The following MACF1 variants were observed in gnomAD, a reference collection of about 807,000 sequenced individuals.
MACF1 encodes microtubule-actin cross-linking factor 1.
A neutral mutation model predicts 854.8 loss-of-function variants in MACF1; 193 were observed. That is an observed-to-expected ratio of 0.23 (90% CI 0.20 to 0.25). MACF1 has a LOEUF of 0.25. Ranked by LOEUF, MACF1 falls within the 10% of genes least tolerant of loss-of-function variation. MACF1 has a pLI of 1.00. For synonymous variants in MACF1, 3,185 were observed against 3,226.7 expected, an observed-to-expected ratio of 0.99 and a Z score of 0.44; for missense variants, 7,722 against 8,929.1, an observed-to-expected ratio of 0.86 and a Z score of 5.45.
intron 2 of MACF1, among the ~76,000 whole-genome samples, chr1:39,136,633 A>G (rs960577110): frequency 6.6e-6 from 1 of 152,114 alleles, no homozygotes; most frequent in Non-Finnish European, 1.5e-5. Context: ...TGTACCTCCA[A>G]TGCCTAGAGA....
intron 58 of MACF1, among the ~76,000 whole-genome samples, chr1:39,392,790 C>G (rs1224563920): frequency 6.6e-6 from 1 of 152,166 alleles, no homozygotes; most frequent in African/African-American, 2.4e-5. Context: ...GGCTTTCCCT[C>G]AGTTGCTTCT....
At chr1:39,190,689 G>T (rs1644245364) in intron 2 of MACF1, among the ~76,000 whole-genome samples, 1 of 151,736 alleles carries the variant, frequency 6.6e-6, no homozygotes, top group African/African-American at 2.4e-5. Flanking sequence ...AGGATCTTGA[G>T]TATTCTGGAT....
Position 39,442,761 on chromosome 1 carries a change from C to G in MACF1, c.19152C>G (p.Val6384=). ...CTCATCAAGCCACAGTGGAAACAGT[C>G]AACAAAGCTGGCAATGAGCTTCTTG... ...VLAHQATVET[V]NKAGNELLES... The change falls in exon 78 of 101, where the codon GTC becomes GTG. Residue 6384 remains valine, a synonymous_variant. Coordinates refer to ENST00000564288, the MANE Select transcript of MACF1 (RefSeq NM_001394062.1). The G allele has an allele frequency of 6.2e-7, 1 of 1,614,000 alleles. No homozygotes were observed. The highest frequency in any genetic ancestry group is 8.5e-7 in the Non-Finnish European group (1 of 1,180,010).
At chr1:39,139,736 C>G (rs962897151) in intron 2 of MACF1, among the ~76,000 whole-genome samples, 3 of 152,058 alleles carry the variant, frequency 2.0e-5, no homozygotes, top group Admixed American at 6.6e-5. Flanking sequence ...TATCATCTTT[C>G]TGAACTGACA....
chr1:39,139,901 G>A (rs1643300217), intron 2 of MACF1, among the ~76,000 whole-genome samples: 1 of 151,982 alleles, frequency 6.6e-6, no homozygotes, highest in Non-Finnish European at 1.5e-5. Flanking sequence ...AAGGCTTAAG[G>A]AGATTAAGTA....
intron 3 of MACF1, among the ~76,000 whole-genome samples, chr1:39,250,738 A>G (rs928868584): frequency 6.6e-6 from 1 of 152,152 alleles, no homozygotes; most frequent in African/African-American, 2.4e-5. Context: ...TCTAACATTG[A>G]TTATGGGAAA....
chr1:39,465,244 G>A, intron 95 of MACF1, 132 bp downstream of exon 95: 1 of 859,408 alleles, frequency 1.2e-6, no homozygotes, highest in South Asian at 1.4e-5. Context: ...CTTACCAAGT[G>A]GAGAAACTGT....
In MACF1 at chr1:39,438,016, A is replaced by G. The variant is rs751909939; in HGVS notation, c.18220+8A>G. ...AGGATCTGGCTGCAAAAGGTGCTTG[A>G]TGATTGTCATTATTTTTAAAAATCA... On this transcript the variant is annotated splice_region_variant and intron_variant, in intron 71 of 100. Coordinates refer to ENST00000564288, the MANE Select transcript of MACF1 (RefSeq NM_001394062.1). 4 of 1,609,134 alleles carry G rather than the reference A, an allele frequency of 2.5e-6. No individual in the cohort carries two copies. The East Asian group carries it at 8.9e-5, about 36-fold the overall frequency.
At chr1:39,297,769 G>T in intron 21 of MACF1, 24 bp downstream of exon 21, 1 of 1,612,664 alleles carries the variant, frequency 6.2e-7, no homozygotes. Flanking sequence ...CAGTGGGGAT[G>T]ATTACTTCTG....
chr1:39,171,157 TC>T (rs1455159727), intron 2 of MACF1, among the ~76,000 whole-genome samples: 1 of 152,060 alleles, frequency 6.6e-6, no homozygotes, highest in African/African-American at 2.4e-5. Context: ...TTGTCTGCGT[TC>T]CTTTCTGGTC....
chr1:39,346,972 C>T lies in MACF1; in HGVS notation c.10582-5C>T. 1 of 1,588,378 alleles carries T rather than the reference C, an allele frequency of 6.3e-7. No individual in the cohort carries two copies. The highest frequency in any genetic ancestry group is 8.6e-7 in the Non-Finnish European group (1 of 1,165,888). ...TGTTTTGTTTCCTTTTTCCATTTAC[C>T]TTAGGATTTGAAACAGCCCATGGCT... On this transcript the variant is annotated splice_region_variant and splice_polypyrimidine_tract_variant and intron_variant, in intron 40 of 100. Coordinates refer to ENST00000564288, the MANE Select transcript of MACF1 (RefSeq NM_001394062.1).
intron 2 of MACF1, among the ~76,000 whole-genome samples, chr1:39,136,427 C>G (rs1643169221): frequency 6.6e-6 from 1 of 152,188 alleles, no homozygotes; most frequent in Non-Finnish European, 1.5e-5. Flanking sequence ...ACCCTTGTAT[C>G]TCCAACTGTG....
At position 39,292,830 on chromosome 1, in the gene MACF1, A is replaced by T; in HGVS notation, c.1979A>T (p.Tyr660Phe). ...AETLGKLETQ[Y>F]CKLKETSSFR... The stretch of plus-strand genomic sequence containing the variant: ...ACTCTTGGAAAGCTGGAGACACAGT[A>T]TTGTAAATTGAAGGTGAGTTTCTGC... Residue 660 changes from tyrosine (Y) to phenylalanine (F), a missense_variant, in exon 17 of 101, where the codon TAT becomes TTT. Coordinates refer to ENST00000564288, the MANE Select transcript of MACF1 (RefSeq NM_001394062.1). The T allele has an allele frequency of 6.2e-7, 1 of 1,612,488 alleles. No individual in the cohort carries two copies.
At chr1:39,207,250 AGTT>A (rs1021599912) in intron 1 of MACF1, among the ~76,000 whole-genome samples, 3 of 150,612 alleles carry the variant, frequency 2.0e-5, no homozygotes, top group Non-Finnish European at 4.4e-5. Flanking sequence ...GAATGTTCAT[AGTT>A]GTTTTTTTCT....
chr1:39,449,081 A>G (rs1644283321), intron 84 of MACF1, among the ~76,000 whole-genome samples: 1 of 152,208 alleles, frequency 6.6e-6, no homozygotes, highest in African/African-American at 2.4e-5. Context: ...GGACACTCCA[A>G]AGCCTCTACA....
Position 39,333,784 on chromosome 1 carries a change from C to T in MACF1, c.7196C>T (p.Thr2399Ile). 1.2e-6 allele frequency: 2 copies of T among 1,614,150 alleles called. No individual in the cohort carries two copies. The highest frequency in any genetic ancestry group is 1.7e-6 in the Non-Finnish European group (2 of 1,180,022). ...TVGLLDKETA[T>I]RILERQVVTG... ...GGACTTCTTGACAAGGAAACAGCCACCAGAATTTTAGAGAGGCAGGTGGTG... is the reference window on the plus strand; with the variant it reads ...GGACTTCTTGACAAGGAAACAGCCATCAGAATTTTAGAGAGGCAGGTGGTG... Residue 2399 changes from threonine to isoleucine, a missense_variant, in exon 37 of 101, where the codon ACC (threonine) becomes ATC (isoleucine). By Grantham distance (89) the Thr-to-Ile change is moderately conservative (BLOSUM62 -1). Transcript: ENST00000564288.
chr1:39,105,702 C>CAGGCG lies in MACF1; in HGVS notation c.220+21264_220+21265insAGGCG. On this transcript the variant is annotated intron_variant, in intron 2 of 93. Transcript: ENST00000361689. This position sits in a 1 kb window ranked among gnomAD's most constrained non-coding sequence, Gnocchi z 5.9. The stretch of plus-strand genomic sequence containing the variant: ...GTTCGTGCAGGCGTACGAGGATGTG[C>CAGGCG]TGGAGCGGTACAAAGGTAGGGCCGG... The CAGGCG allele has an allele frequency of 8.1e-7, 1 of 1,227,226 alleles. No homozygotes were observed. The highest frequency in any genetic ancestry group is 1.0e-6 in the Non-Finnish European group (1 of 957,116). 76.0% of individuals were successfully genotyped at this position (1,227,226 alleles called of 1,614,324 possible).
intron 58 of MACF1, among the ~76,000 whole-genome samples, chr1:39,394,302 A>G (rs1306652692): frequency 6.6e-6 from 1 of 152,184 alleles, no homozygotes; most frequent in Non-Finnish European, 1.5e-5. Context: ...AAGCAAGCTT[A>G]GGCATCTTCA....
chr1:39,427,485 G>A lies in MACF1; in HGVS notation c.16347G>A (p.Leu5449=). The change falls in exon 62 of 101, where the codon CTG becomes CTA. Residue 5449 remains leucine, a synonymous_variant. Coordinates refer to ENST00000564288, the MANE Select transcript of MACF1 (RefSeq NM_001394062.1). The part of the protein sequence containing the change: ...RQKQLEDILV[L]AKQFHETAEP... Reference sequence around the variant, plus strand: ...AACAGCTGGAAGACATCCTGGTTCTGGCCAAACAGTTCCATGAGACAGCTG... The same window carrying A: ...AACAGCTGGAAGACATCCTGGTTCTAGCCAAACAGTTCCATGAGACAGCTG... 8 of 1,613,890 alleles carry A rather than the reference G, an allele frequency of 5.0e-6. No individual in the cohort carries two copies. The highest frequency in any genetic ancestry group is 6.8e-6 in the Non-Finnish European group (8 of 1,179,956).
Sources: gnomAD v4.1 joint callset for allele counts (sites outside exome capture counted in the v4.1 genomes callset) on GRCh38, gnomAD v4.1.1 for gene constraint, Gnocchi (gnomAD v3.1) non-coding constraint, MANE v1.5 for transcripts, NCBI Gene and HGNC (gene_info 2026-07-23, HGNC 2026-07-21) for gene names.